The following LRRC63 variants were observed in gnomAD, a reference collection of about 807,000 sequenced individuals.
LRRC63 encodes the protein leucine rich repeat containing 63.
LRRC63 carries 40 observed loss-of-function variants against 49.5 expected under a neutral mutation model. That is an observed-to-expected ratio of 0.81 (90% CI 0.63 to 1.05). The LOEUF (loss-of-function observed/expected upper bound fraction) is 1.05, where lower values mean the gene tolerates loss of function less well. Ranked by LOEUF, LRRC63 falls within the 50% of genes least tolerant of loss-of-function variation. LRRC63 has a pLI of 0.00. For missense variants in LRRC63, 636 were observed against 663.1 expected (o/e 0.96, Z 0.45); for synonymous variants, 191 against 221.1 (o/e 0.86, Z 1.21).
At chr13:46,220,280 GCCTTTCTTTCAGAGATGC>G (rs2046367077) in intron 2 of LRRC63, among the ~76,000 whole-genome samples, 1 of 152,192 alleles carries the variant, frequency 6.6e-6, no homozygotes, top group Non-Finnish European at 1.5e-5. Flanking sequence ...TGGGGCTGCT[GCCTTTCTTTCAGAGATGC>G]CCTGCCCAGA....
At chr13:46,238,455 G>T (rs2046964064) in intron 5 of LRRC63, among the ~76,000 whole-genome samples, 1 of 149,050 alleles carries the variant, frequency 6.7e-6, no homozygotes, top group Non-Finnish European at 1.5e-5. Flanking sequence ...AAATACCTGA[G>T]ACTGGGTAAT....
exon 2 of LRRC63, chr13:46,213,040 A>G: frequency 6.5e-7 from 1 of 1,546,292 alleles, no homozygotes; most frequent in Non-Finnish European, 8.7e-7. Flanking sequence ...TTAAAATGCA[A>G]AAGCCCCCAC....
intron 7 of LRRC63, among the ~76,000 whole-genome samples, chr13:46,261,542 A>C (rs1460332271): frequency 6.6e-6 from 1 of 152,210 alleles, no homozygotes; most frequent in African/African-American, 2.4e-5. Context: ...TAATACCTTC[A>C]TTTCGACTTC....
chr13:46,247,496 C>T (rs942969404), intron 6 of LRRC63, among the ~76,000 whole-genome samples: 1 of 152,042 alleles, frequency 6.6e-6, no homozygotes, highest in Non-Finnish European at 1.5e-5. Context: ...TGTGTGAAGA[C>T]AGGAGAGCTA....
chr13:46,254,084 T>C (rs1283746994), intron 7 of LRRC63, among the ~76,000 whole-genome samples: 5 of 152,020 alleles, frequency 3.3e-5, no homozygotes, highest in Admixed American at 3.3e-4. Flanking sequence ...TGACCAACAG[T>C]GTCAAATACA....
At chr13:46,266,341 C>G (rs1269620624) in intron 8 of LRRC63, among the ~76,000 whole-genome samples, 1 of 152,146 alleles carries the variant, frequency 6.6e-6, no homozygotes, top group Non-Finnish European at 1.5e-5. Flanking sequence ...ATAAATTTCA[C>G]TATTTTGATT....
At chr13:46,270,652 G>T in intron 9 of LRRC63, 1 of 789,654 alleles carries the variant, frequency 1.3e-6, no homozygotes, top group Non-Finnish European at 2.2e-6. Context: ...AGCAAAGTGG[G>T]ATTCTTGTTA....
intron 5 of LRRC63, among the ~76,000 whole-genome samples, chr13:46,237,424 C>T (rs1344824172): frequency 6.6e-6 from 1 of 152,022 alleles, no homozygotes; most frequent in African/African-American, 2.4e-5. Flanking sequence ...AACAAATATA[C>T]CAACATGGTG....
At chr13:46,240,227 C>T (rs1295819180) in intron 5 of LRRC63, among the ~76,000 whole-genome samples, 2 of 151,200 alleles carry the variant, frequency 1.3e-5, no homozygotes, top group Admixed American at 6.6e-5. Context: ...CCCAGGTTCA[C>T]GTCATTCTCC....
chr13:46,224,956 C>A (rs896355571), intron 2 of LRRC63, among the ~76,000 whole-genome samples: 1 of 152,230 alleles, frequency 6.6e-6, no homozygotes. Flanking sequence ...CTCTACCTAT[C>A]TTTGTGCCCC....
rs550218855 is a variant in LRRC63, at chr13:46,270,162, A to G, written c.1550+3190A>G. 42 of 741,460 alleles carry G rather than the reference A, an allele frequency of 5.7e-5. 1 individual carries two copies. Among genetic ancestry groups the G allele is most frequent in the African/African-American group, 5.1e-4 (30 of 58,268 alleles). The allele number at this position is 741,460 out of a possible 1,614,324, so 45.9% of individuals were successfully genotyped here. A position where few individuals can be genotyped will look rare whatever the true frequency, so the allele number is the denominator to read the frequency against. On this transcript the variant is annotated intron_variant, in intron 9 of 9. Transcript: ENST00000595396. Reference sequence around the variant, plus strand: ...ACTCGCTGGTACAAAGCAGATGTCAAAGGAAGATCTTGTAAGGACCACTGT... The same window carrying G: ...ACTCGCTGGTACAAAGCAGATGTCAGAGGAAGATCTTGTAAGGACCACTGT...
intron 5 of LRRC63, among the ~76,000 whole-genome samples, chr13:46,237,662 G>A (rs1310524350): frequency 6.6e-6 from 1 of 151,824 alleles, no homozygotes; most frequent in African/African-American, 2.4e-5. Flanking sequence ...AACAAAGATA[G>A]GTTATTTGTA....
chr13:46,215,313 C>T (rs976480205), intron 2 of LRRC63, among the ~76,000 whole-genome samples: 2 of 151,986 alleles, frequency 1.3e-5, no homozygotes, highest in Non-Finnish European at 2.9e-5. Context: ...TTCTGACTGG[C>T]GTGAGATGGT....
chr13:46,253,114 G>A (rs1341768993), intron 7 of LRRC63, among the ~76,000 whole-genome samples: 1 of 151,932 alleles, frequency 6.6e-6, no homozygotes, highest in Non-Finnish European at 1.5e-5. Context: ...GGCAATGGTA[G>A]TGAGCATGGA....
intron 2 of LRRC63, among the ~76,000 whole-genome samples, chr13:46,224,179 G>A (rs997285436): frequency 6.6e-5 from 10 of 152,062 alleles, no homozygotes; most frequent in African/African-American, 2.4e-4. Context: ...TTTGCCCCTG[G>A]GATGCCAATA....
chr13:46,250,120 C>T (rs2047337251), intron 6 of LRRC63: 2 of 256,842 alleles, frequency 7.8e-6, no homozygotes, highest in Admixed American at 1.0e-4. Flanking sequence ...AAGCACCATT[C>T]TTGAGTCAAG....
At chr13:46,255,140 A>G (rs2047477656) in intron 7 of LRRC63, among the ~76,000 whole-genome samples, 2 of 150,608 alleles carry the variant, frequency 1.3e-5, no homozygotes. Context: ...TGAAAACATT[A>G]TGCTAGGTGG....
chr13:46,237,958 C>CA (rs2046950532), intron 5 of LRRC63, among the ~76,000 whole-genome samples: 2 of 151,852 alleles, frequency 1.3e-5, no homozygotes, highest in South Asian at 4.1e-4. Context: ...AAAAAACTTC[C>CA]AAACAAAGAA....
chr13:46,236,824 T>A (rs1294354089), intron 5 of LRRC63, among the ~76,000 whole-genome samples: 1 of 152,190 alleles, frequency 6.6e-6, no homozygotes, highest in Non-Finnish European at 1.5e-5. Flanking sequence ...CTTTCTTATA[T>A]CACTTAAAAG....
Sources: allele counts gnomAD v4.1 joint callset (sites outside exome capture counted in the v4.1 genomes callset), GRCh38; gene constraint gnomAD v4.1.1; transcripts MANE v1.5; gene names NCBI Gene and HGNC (gene_info 2026-07-23, HGNC 2026-07-21).